Variants in COL2A1 observed in about 807,000 individuals in gnomAD.
The protein encoded by COL2A1 is collagen type II alpha 1 chain.
A neutral mutation model predicts 204.5 loss-of-function variants in COL2A1; 28 were observed. The ratio of observed to expected loss-of-function variants is 0.14; its 90% CI spans 0.10 to 0.19. The LOEUF is 0.19. COL2A1 is among the 10% of genes least tolerant of loss of function. COL2A1 has a pLI of 1.00. For missense variants in COL2A1, 1,388 were observed against 2,027.5 expected (o/e 0.68, Z 6.06); for synonymous variants, 708 against 718.7 (o/e 0.99, Z 0.24).
Position 47,994,367 on chromosome 12 carries a change from G to A in COL2A1, c.816+57C>T, listed in dbSNP as rs116115813. On this transcript the variant is annotated intron_variant, in intron 12 of 53. Coordinates refer to ENST00000380518, the MANE Select transcript of COL2A1 (RefSeq NM_001844.5). ...TTGAACTGGATGCACTGTGTTTAAG[G>A]CCACAGGGAGGGAGACGCTAGGAAA... 2.9e-3 allele frequency: 4,636 copies of A among 1,588,982 alleles called. 127 individuals carry two copies. The African/African-American group carries it at 0.054, about 19-fold the overall frequency.
intron 16 of COL2A1, among the ~76,000 whole-genome samples, chr12:47,990,368 C>T (rs967115970): frequency 6.6e-6 from 1 of 152,200 alleles, no homozygotes; most frequent in African/African-American, 2.4e-5. Context: ...GTTCAGACCC[C>T]AAATATCCGT....
chr12:47,973,799 C>T (rs953373678), intron 53 of COL2A1, among the ~76,000 whole-genome samples: 1 of 152,142 alleles, frequency 6.6e-6, no homozygotes, highest in Non-Finnish European at 1.5e-5. Context: ...ACAGTGAGCT[C>T]CCAACCTGTG....
chr12:47,976,902 T>C lies in COL2A1; in HGVS notation c.3345A>G (p.Arg1115=). The C allele has an allele frequency of 6.2e-7, 1 of 1,607,626 alleles. No homozygotes were observed. The highest frequency in any genetic ancestry group is 8.5e-7 in the Non-Finnish European group (1 of 1,176,836). Residue 1115 remains arginine, a synonymous_variant, in exon 48 of 54, where the codon AGA becomes AGG. Transcript: ENST00000380518. The surrounding 1 kb of genome is among the most constrained non-coding windows in gnomAD (Gnocchi z 4.3). ...GCTCTCCAGCCTCTCCTTTGTCACC[T>C]CTGGGGCCTTGAGGACCCTGGGAAC... ...ARGIQGPQGP[R]GDKGEAGEPG...
Position 47,983,379 on chromosome 12 carries a change from A to G in COL2A1, c.2049+6T>C. 1.2e-6 allele frequency: 2 copies of G among 1,613,756 alleles called. No individual in the cohort carries two copies. Among genetic ancestry groups the G allele is most frequent in the African/African-American group, 1.3e-5 (1 of 74,950 alleles). ...AGGTTGCAGGTCCAAAGAGCCCCAT[A>G]CTCACCTGGTCACCTGGTTTTCCAC... On this transcript the variant is annotated splice_donor_region_variant and intron_variant, in intron 31 of 53. Transcript: ENST00000380518.
chr12:47,996,702 G>A, intron 7 of COL2A1, 77 bp from the exon 8 acceptor site: 1 of 1,111,944 alleles, frequency 9.0e-7, no homozygotes, highest in Non-Finnish European at 1.4e-6. Flanking sequence ...GCTCTATATG[G>A]ATACAAAGAA....
rs1459133326 is a variant in COL2A1 at position 47,975,728 on chromosome 12, A to T, written c.3598-123T>A. ...AGCCCCATGGGTGGGGCGGAGGTGT[A>T]GCAGGCGAGGACCAAGGAAACCACA... On this transcript the variant is annotated intron_variant, in intron 50 of 53. Coordinates refer to ENST00000380518, the MANE Select transcript of COL2A1 (RefSeq NM_001844.5). 8.1e-6 allele frequency: 9 copies of T among 1,106,006 alleles called. No homozygotes were observed. In the Admixed American group the frequency reaches 1.9e-4, roughly 23 times the overall value. The allele number at this position is 1,106,006 out of a possible 1,614,324, so 68.5% of individuals were successfully genotyped here.
chr12:47,981,260 G>T, intron 37 of COL2A1, 83 bp downstream of exon 37: 1 of 1,446,824 alleles, frequency 6.9e-7, no homozygotes, highest in Non-Finnish European at 9.6e-7. Context: ...CCACCAGGCA[G>T]CATGAGGGCC....
In COL2A1 at chr12:47,987,184, C is replaced by G; in HGVS notation, c.1267-8G>C. The G allele has an allele frequency of 1.2e-6, 2 of 1,613,918 alleles. No homozygotes were observed. Among genetic ancestry groups the G allele is most frequent in the Non-Finnish European group, 1.7e-6 (2 of 1,179,912 alleles). ...AGCAATGCCAGGAGCACCCTGTGGGCATGAGAAGAAGGGAGGGGTGTCAGG... is the reference window on the plus strand; with the variant it reads ...AGCAATGCCAGGAGCACCCTGTGGGGATGAGAAGAAGGGAGGGGTGTCAGG... On this transcript the variant is annotated splice_polypyrimidine_tract_variant and splice_region_variant and intron_variant, in intron 20 of 53. Transcript: ENST00000380518. The surrounding 1 kb of genome is among the most constrained non-coding windows in gnomAD (Gnocchi z 4.1).
chr12:47,998,760 C>T, intron 2 of COL2A1: 1 of 315,896 alleles, frequency 3.2e-6, no homozygotes, highest in Non-Finnish European at 5.8e-6. Context: ...AGCACAGATT[C>T]AGTCTCTCTT....
chr12:47,997,744 G>A (rs367980498), intron 6 of COL2A1, 37 bp from the exon 7 acceptor site: 2 of 1,614,012 alleles, frequency 1.2e-6, no homozygotes, highest in South Asian at 1.1e-5. Context: ...ATGGGAAGCA[G>A]TGTTTCTCCA....
chr12:47,975,995 G>A lies in COL2A1; in HGVS notation c.3565C>T (p.Pro1189Ser), dbSNP rs772546486. 1 of 1,614,080 alleles carries A rather than the reference G, an allele frequency of 6.2e-7. No individual in the cohort carries two copies. The highest frequency in any genetic ancestry group is 8.5e-7 in the Non-Finnish European group (1 of 1,179,934). ...CCGGTTTCGCCTGATCGTCCACGGG[G>A]ACCAGGAGGCCCAATGGGGCCAGGG... is the stretch of plus-strand genomic sequence containing the variant. ...GIPGPIGPPG[P>S]RGRSGETGPA... Residue 1189 changes from proline to serine, a missense_variant, in exon 50 of 54, where the codon CCC becomes TCC. By Grantham distance (74) the Pro-to-Ser change is moderately conservative. Coordinates refer to ENST00000380518, the MANE Select transcript of COL2A1 (RefSeq NM_001844.5).
At chr12:47,989,722 C>A in intron 17 of COL2A1, 39 bp downstream of exon 17, 1 of 1,604,680 alleles carries the variant, frequency 6.2e-7, no homozygotes, top group Non-Finnish European at 8.5e-7. Context: ...GGACTTAAAG[C>A]ACAGCAACAA....
Position 47,981,173 on chromosome 12 carries a change from C to CCCCTT in COL2A1, c.2463+165_2463+169dup, listed in dbSNP as rs148055427. 3.1e-3 allele frequency among the ~76,000 whole-genome samples: 466 copies of CCCCTT among 152,298 alleles called. 5 individuals carry two copies. Among genetic ancestry groups the CCCCTT allele is most frequent in the African/African-American group, 0.011 (456 of 41,574 alleles). On this transcript the variant is annotated intron_variant, in intron 37 of 53. Transcript: ENST00000380518. Reference sequence around the variant, plus strand: ...CACATGATGGGAGTGACGTGCCTTCCCCCTTCCCTTCCCATCTCTCCTCCC... The same window carrying CCCCTT: ...CACATGATGGGAGTGACGTGCCTTCCCCCTTCCCTTCCCTTCCCATCTCTCCTCCC...
In COL2A1 at chr12:47,973,375, CA is replaced by C; in HGVS notation, c.*31del. ...AAAGTACTTGGGTCCTTTGGGTTTGCAACGGATTGTGTTGTTTCTGGGTTCA... is the reference window on the plus strand; with the variant it reads ...AAAGTACTTGGGTCCTTTGGGTTTGCACGGATTGTGTTGTTTCTGGGTTCA... On this transcript the variant is annotated 3_prime_UTR_variant, in exon 54 of 54. Transcript: ENST00000380518. 6.2e-7 allele frequency: 1 copy of C among 1,614,130 alleles called. No individual in the cohort carries two copies. The highest frequency in any genetic ancestry group is 1.3e-5 in the African/African-American group (1 of 75,012).
At position 47,982,866 on chromosome 12, in the gene COL2A1, A is replaced by C; in HGVS notation, c.2175T>G (p.Pro725=). The C allele has an allele frequency of 6.2e-7, 1 of 1,612,188 alleles. No homozygotes were observed. Among genetic ancestry groups the C allele is most frequent in the Non-Finnish European group, 8.5e-7 (1 of 1,179,844 alleles). Residue 725 remains proline (P), a synonymous_variant, in exon 33 of 54, where the codon CCT becomes CCG. Transcript: ENST00000380518. Reference sequence around the variant, plus strand: ...CACTTACTTTGGGACCATCAGTGCCAGGAGTGCCGGGGAGGCCACGGGGAC... The same window carrying C: ...CACTTACTTTGGGACCATCAGTGCCCGGAGTGCCGGGGAGGCCACGGGGAC... The part of the protein sequence containing the change: ...LQGPRGLPGT[P]GTDGPKGASG...
At position 47,975,496 on chromosome 12, in the gene COL2A1, A is replaced by G. The variant is rs368270799; in HGVS notation, c.3707T>C (p.Leu1236Pro). Residue 1236 changes from leucine to proline, a missense_variant, in exon 51 of 54, where the codon CTG becomes CCG. By Grantham distance (98) the Leu-to-Pro change is moderately conservative. Around this residue, in one of 3 missense-constraint regions of COL2A1, gnomAD observed 303 missense variants for 369.2 expected, o/e 0.82. Transcript: ENST00000380518. ...LGPREKGPDPLQYMRADQAAG... is the reference protein window; with the variant it reads ...LGPREKGPDPPQYMRADQAAG... ...TGCCTGGTCGGCCCGCATGTACTGC[A>G]GGGGGTCGGGGCCCTTCTCTCTCGG... The G allele has an allele frequency of 5.0e-6, 8 of 1,613,166 alleles. No individual in the cohort carries two copies. The highest frequency in any genetic ancestry group is 1.3e-5 in the African/African-American group (1 of 75,032).
chr12:47,998,023 C>T lies in COL2A1; in HGVS notation c.375+9G>A, dbSNP rs1284307863. On this transcript the variant is annotated intron_variant, in intron 5 of 53. Coordinates refer to ENST00000380518, the MANE Select transcript of COL2A1 (RefSeq NM_001844.5). ...AAGGGACGGAGAAAGAGATTTCTCC[C>T]TCTCTTACCTGAGGCCCAGGAGGTC... 4 of 1,614,020 alleles carry T rather than the reference C, an allele frequency of 2.5e-6. No individual in the cohort carries two copies. The highest frequency in any genetic ancestry group is 3.4e-6 in the Non-Finnish European group (4 of 1,180,016).
In COL2A1 at chr12:47,977,650, T is replaced by G. The variant is rs780375782; in HGVS notation, c.3115A>C (p.Ser1039Arg). The G allele has an allele frequency of 4.3e-6, 7 of 1,614,006 alleles. No individual in the cohort carries two copies. In the South Asian group the frequency reaches 7.7e-5, roughly 18 times the overall value. ...GPAGEPGREGSPGADGPPGRD... is the reference protein window; with the variant it reads ...GPAGEPGREGRPGADGPPGRD... ...CCAGGGGGGCCATCAGCACCGGGGC[T>G]TCCCTGGACAAAGTGAAACAAGAAT... The change falls in exon 45 of 54, where the codon AGC (serine) becomes CGC (arginine). Residue 1039 changes from serine (S) to arginine (R), a missense_variant. Ser to Arg is a moderately radical substitution (Grantham distance 110). Transcript: ENST00000380518.
chr12:47,990,791 C>A (rs1173457405), intron 16 of COL2A1, among the ~76,000 whole-genome samples: 1 of 152,186 alleles, frequency 6.6e-6, no homozygotes. Context: ...GTGGTGGCAC[C>A]CCTCAAATGC....
Sources: allele counts gnomAD v4.1 joint callset (sites outside exome capture counted in the v4.1 genomes callset), GRCh38; gene constraint gnomAD v4.1.1; regional missense constraint gnomAD v4.1.1; non-coding constraint Gnocchi (gnomAD v3.1); transcripts MANE v1.5; gene names NCBI Gene and HGNC (gene_info 2026-07-23, HGNC 2026-07-21).